Variants in ABHD3 observed in about 807,000 individuals in gnomAD.
The protein encoded by ABHD3 is phospholipase ABHD3.
Under a neutral mutation model 48.8 loss-of-function variants are expected in ABHD3, and 46 were observed. The observed-to-expected ratio is 0.94, with a 90% CI of 0.74 to 1.20. ABHD3 has a LOEUF of 1.20. ABHD3 is among the 50% of genes most tolerant of loss of function. The pLI, the probability that ABHD3 is intolerant of heterozygous loss-of-function variation, is 0.00. For missense variants in ABHD3, 490 were observed against 497.8 expected (o/e 0.98, Z 0.15); for synonymous variants, 192 against 183.7 (o/e 1.04, Z -0.36).
At position 21,683,547 on chromosome 18, in the gene ABHD3, C is replaced by T. The variant is rs755436538; in HGVS notation, c.555+373G>A. 1.6e-5 allele frequency: 8 copies of T among 510,152 alleles called. 1 individual carries two copies. The highest frequency in any genetic ancestry group is 1.2e-4 in the South Asian group (8 of 68,006). 31.6% of individuals were successfully genotyped at this position (510,152 alleles called of 1,614,324 possible). A position where few individuals can be genotyped will look rare whatever the true frequency, so the allele number is the denominator to read the frequency against. On this transcript the variant is annotated intron_variant, in intron 4 of 8. Transcript: ENST00000289119. Reference sequence around the variant, plus strand: ...ATGAGGCCTTCTCTTCCCAGTTCTTCCCAGAGTCAGGAAAAGCTGGGTTGA... The same window carrying T: ...ATGAGGCCTTCTCTTCCCAGTTCTTTCCAGAGTCAGGAAAAGCTGGGTTGA...
intron 4 of ABHD3, among the ~76,000 whole-genome samples, chr18:21,665,106 G>A (rs2039591709): frequency 1.3e-5 from 2 of 151,790 alleles, no homozygotes; most frequent in Non-Finnish European, 1.5e-5. Flanking sequence ...CACCATGCCC[G>A]GCTAATTTTT....
At chr18:21,653,676 T>C (rs1304689245) in intron 8 of ABHD3, among the ~76,000 whole-genome samples, 5 of 149,526 alleles carry the variant, frequency 3.3e-5, no homozygotes, top group African/African-American at 1.2e-4. Context: ...CTCTTGAGGC[T>C]AGGAGTTTGA....
intron 8 of ABHD3, among the ~76,000 whole-genome samples, chr18:21,655,640 G>A (rs550219926): frequency 6.8e-4 from 103 of 152,118 alleles, no homozygotes; most frequent in East Asian, 3.3e-3. Context: ...AGGAGTTCAA[G>A]AGCAGCCTGG....
intron 8 of ABHD3, among the ~76,000 whole-genome samples, chr18:21,653,379 C>T (rs2039272630): frequency 6.6e-6 from 1 of 151,460 alleles, no homozygotes; most frequent in Non-Finnish European, 1.5e-5. Context: ...GAACTCCTGA[C>T]CTCAAGTGAT....
chr18:21,702,553 A>ATTTTT, intron 2 of ABHD3, 55 bp from the exon 3 acceptor site: 1 of 1,070,954 alleles, frequency 9.3e-7, no homozygotes, highest in Non-Finnish European at 1.2e-6. Context: ...GTCATGTCTT[A>ATTTTT]ATTTTAATTC....
intron 5 of ABHD3, among the ~76,000 whole-genome samples, chr18:21,661,122 A>AAAAAAAAAAAAT (rs2039484752): frequency 6.6e-6 from 1 of 151,134 alleles, no homozygotes; most frequent in African/African-American, 2.4e-5. Context: ...AAAAAAAAAA[A>AAAAAAAAAAAAT]AAAAGAGAAA....
At chr18:21,696,092 T>C (rs1280998627) in intron 3 of ABHD3, among the ~76,000 whole-genome samples, 2 of 152,100 alleles carry the variant, frequency 1.3e-5, no homozygotes, top group African/African-American at 4.8e-5. Flanking sequence ...GGCTCTCAAT[T>C]TTAAAAAGTC....
At chr18:21,690,567 A>C (rs2040228531) in intron 3 of ABHD3, among the ~76,000 whole-genome samples, 1 of 152,180 alleles carries the variant, frequency 6.6e-6, no homozygotes. Context: ...ATGCCACTGC[A>C]CTCCAGCCTG....
At chr18:21,676,304 A>G (rs2039880758) in intron 4 of ABHD3, among the ~76,000 whole-genome samples, 1 of 152,250 alleles carries the variant, frequency 6.6e-6, no homozygotes, top group South Asian at 2.1e-4. Context: ...GTATATGTTG[A>G]TTAGCTTGAT....
rs183317216 is a variant in ABHD3 at position 21,679,427 on chromosome 18, A to G, written c.555+4493T>C. ...CTTTAAAAAAGAAATTCAAGGAAGT[A>G]AACTAATTAATTAAATGTATACTTC... On this transcript the variant is annotated intron_variant, in intron 4 of 8. Transcript: ENST00000289119. 1.2e-3 allele frequency among the ~76,000 whole-genome samples: 185 copies of G among 152,394 alleles called. 2 individuals carry two copies. Among genetic ancestry groups the G allele is most frequent in the Admixed American group, 0.011 (171 of 15,308 alleles).
intron 3 of ABHD3, among the ~76,000 whole-genome samples, chr18:21,691,023 A>C (rs966753012): frequency 5.5e-4 from 83 of 151,182 alleles, no homozygotes; most frequent in Non-Finnish European, 8.5e-4. Context: ...AAAAAAGAGC[A>C]AGATCTAACT....
intron 3 of ABHD3, among the ~76,000 whole-genome samples, chr18:21,697,216 C>CA (rs2040390928): frequency 6.6e-6 from 1 of 151,624 alleles, no homozygotes; most frequent in Non-Finnish European, 1.5e-5. Context: ...GCTGGGACTA[C>CA]AGGCACGCAC....
chr18:21,655,350 C>T (rs1279400974), intron 8 of ABHD3, among the ~76,000 whole-genome samples: 36 of 149,388 alleles, frequency 2.4e-4, no homozygotes, highest in African/African-American at 7.7e-4. Context: ...TGCAGTGGCA[C>T]GATCTCAGCT....
At chr18:21,689,549 C>CAAAAAA (rs36011228) in intron 3 of ABHD3, among the ~76,000 whole-genome samples, 731 of 41,690 alleles carry the variant, frequency 0.018, 151 homozygotes, top group African/African-American at 0.077. Context: ...AATCTGGTCT[C>CAAAAAA]AAAAAAAAAA....
At chr18:21,687,384 A>ATT (rs11384161) in intron 3 of ABHD3, among the ~76,000 whole-genome samples, 16 of 151,272 alleles carry the variant, frequency 1.1e-4, no homozygotes, top group East Asian at 5.9e-4. Context: ...AATTTTTTGT[A>ATT]TTTTTTTTAG....
At chr18:21,688,179 C>A (rs1007019724) in intron 3 of ABHD3, among the ~76,000 whole-genome samples, 2 of 152,162 alleles carry the variant, frequency 1.3e-5, no homozygotes, top group African/African-American at 4.8e-5. Context: ...TGAGCTTGGG[C>A]ACCTAAGAAA....
chr18:21,703,651 A>G lies in ABHD3; in HGVS notation c.259T>C (p.Trp87Arg). The G allele has an allele frequency of 1.9e-6, 3 of 1,614,172 alleles. No individual in the cohort carries two copies. Among genetic ancestry groups the G allele is most frequent in the Non-Finnish European group, 2.5e-6 (3 of 1,180,022 alleles). The stretch of plus-strand genomic sequence containing the variant: ...AGCAGGGTCTGTCCTCGACCCTCCC[A>G]GCACCAGACCGTCGGGTAGTACGTT... ...TETYYPTVWCWEGRGQTLLRP... is the reference protein window; with the variant it reads ...TETYYPTVWCREGRGQTLLRP... Residue 87 changes from tryptophan to arginine, a missense_variant, in exon 2 of 9, where the codon TGG becomes CGG. Trp to Arg is a moderately radical substitution (Grantham distance 101, BLOSUM62 -3). Transcript: ENST00000289119.
intron 4 of ABHD3, among the ~76,000 whole-genome samples, chr18:21,670,439 T>C (rs117882418): frequency 1.3e-3 from 201 of 152,320 alleles, no homozygotes; most frequent in Non-Finnish European, 2.1e-3. Flanking sequence ...TAATGAACAC[T>C]TGCAGCTGTA....
chr18:21,678,546 A>G (rs917815367), intron 4 of ABHD3, among the ~76,000 whole-genome samples: 6 of 152,168 alleles, frequency 3.9e-5, no homozygotes, highest in African/African-American at 1.2e-4. Context: ...TATAGGATCT[A>G]TAACTAAATT....
Sources: allele counts gnomAD v4.1 joint callset (sites outside exome capture counted in the v4.1 genomes callset), GRCh38; gene constraint gnomAD v4.1.1; transcripts MANE v1.5; gene names NCBI Gene and HGNC (gene_info 2026-07-23, HGNC 2026-07-21).